Variants in CERCAM observed in about 807,000 individuals in gnomAD.
The protein encoded by CERCAM is cerebral endothelial cell adhesion molecule.
CERCAM carries 59 observed loss-of-function variants against 66.0 expected under a neutral mutation model. The ratio of observed to expected loss-of-function variants is 0.89; its 90% CI spans 0.73 to 1.11. The LOEUF (loss-of-function observed/expected upper bound fraction) is 1.11, where lower values mean the gene tolerates loss of function less well. Ranked by LOEUF, CERCAM falls within the 50% of genes most tolerant of loss-of-function variation. The pLI is 0.00. For synonymous variants in CERCAM, 318 were observed against 343.6 expected (o/e 0.93, Z 0.83); for missense variants, 840 against 828.3 (o/e 1.01, Z -0.17).
intron 11 of CERCAM, 142 bp from the exon 12 acceptor site, chr9:128,435,511 C>T (rs1199510450): frequency 3.4e-5 from 27 of 796,392 alleles, no homozygotes; most frequent in Non-Finnish European, 5.0e-5. Flanking sequence ...TAGTAGAAGT[C>T]CCACTGCTCA....
At chr9:128,430,911 A>G in intron 8 of CERCAM, 1 of 349,444 alleles carries the variant, frequency 2.9e-6, no homozygotes, top group Non-Finnish European at 5.2e-6. Flanking sequence ...TGTGAGGCTG[A>G]GGCAGGAAAA....
rs1002163981 is a variant in CERCAM at position 128,434,293 on chromosome 9, G to A, written c.1331+64G>A. 3.7e-6 allele frequency: 6 copies of A among 1,606,370 alleles called. No individual in the cohort carries two copies. Among genetic ancestry groups the A allele is most frequent in the Non-Finnish European group, 5.1e-6 (6 of 1,175,298 alleles). On this transcript the variant is annotated intron_variant, in intron 10 of 12. Transcript: ENST00000372838. This position sits in a 1 kb window ranked among gnomAD's most constrained non-coding sequence, Gnocchi z 4.5. ...GGGCCTCCGGAGTCTGCCTTTTCCT[G>A]CTTGGGACCCTGGCCGGCCCATCCC...
At position 128,434,279 on chromosome 9, in the gene CERCAM, G is replaced by A. The variant is rs754280026; in HGVS notation, c.1331+50G>A. ...CAAGGGGGCAGGGTGGGCCTCCGGA[G>A]TCTGCCTTTTCCTGCTTGGGACCCT... On this transcript the variant is annotated intron_variant, in intron 10 of 12. Transcript: ENST00000372838. This position sits in a 1 kb window ranked among gnomAD's most constrained non-coding sequence, Gnocchi z 4.5. 11 of 1,610,166 alleles carry A rather than the reference G, an allele frequency of 6.8e-6. No homozygotes were observed. The South Asian group carries it at 1.1e-4, about 16-fold the overall frequency.
chr9:128,420,827 TC>T, upstream of CERCAM: 1 of 964,108 alleles, frequency 1.0e-6, no homozygotes, highest in Non-Finnish European at 1.3e-6. The surrounding 1 kb of genome is among the most constrained non-coding windows in gnomAD (Gnocchi z 5.0). Context: ...CCCCCTCCCC[TC>T]GGCCGGCCCG....
intron 11 of CERCAM, among the ~76,000 whole-genome samples, chr9:128,435,027 G>A (rs1834075840): frequency 6.8e-6 from 1 of 146,622 alleles, no homozygotes; most frequent in African/African-American, 2.6e-5. Flanking sequence ...ATGGAGTTTT[G>A]CACTGTCACC....
At chr9:128,431,443 A>G in intron 9 of CERCAM, 140 bp downstream of exon 9, 1 of 1,096,248 alleles carries the variant, frequency 9.1e-7, no homozygotes. Context: ...CTCTGTGTTC[A>G]ACACCCCAGT....
rs767078078 is a variant in CERCAM, at chr9:128,434,549, C to G, written c.1471C>G (p.Gln491Glu). The G allele has an allele frequency of 1.2e-6, 2 of 1,612,098 alleles. No individual in the cohort carries two copies. Among genetic ancestry groups the G allele is most frequent in the Non-Finnish European group, 1.7e-6 (2 of 1,179,974 alleles). The change falls in exon 11 of 13, where the codon CAG becomes GAG. Residue 491 changes from glutamine (Q) to glutamate (E), a missense_variant. By Grantham distance (29) the Gln-to-Glu change is conservative. Transcript: ENST00000372838. This position sits in a 1 kb window ranked among gnomAD's most constrained non-coding sequence, Gnocchi z 4.5. Reference sequence around the variant, plus strand: ...GGGTGCCCGCAAGCTGCTGGCCTCACAGCCTCTGCGCCGCATGCTGCCCGT... The same window carrying G: ...GGGTGCCCGCAAGCTGCTGGCCTCAGAGCCTCTGCGCCGCATGCTGCCCGT... Reference protein sequence around the residue: ...LAGARKLLASQPLRRMLPVDE... With the variant: ...LAGARKLLASEPLRRMLPVDE...
At chr9:128,426,421 G>A (rs1833848106) in intron 5 of CERCAM, among the ~76,000 whole-genome samples, 1 of 151,920 alleles carries the variant, frequency 6.6e-6, no homozygotes, top group Admixed American at 6.6e-5. Flanking sequence ...TCAAGAGATT[G>A]AGACCATCTT....
chr9:128,428,226 C>G (rs1185697601), intron 5 of CERCAM, 76 bp from the exon 6 acceptor site: 15 of 1,537,566 alleles, frequency 9.8e-6, no homozygotes, highest in Non-Finnish European at 1.3e-5. Flanking sequence ...ACTGGCAGTG[C>G]TGGGCCTAGG....
intron 1 of CERCAM, chr9:128,421,793 C>G (rs1833715124): frequency 6.6e-6 from 1 of 152,500 alleles, no homozygotes; most frequent in African/African-American, 2.4e-5. Context: ...ACAAGCCACC[C>G]TCTTCAACAC....
At position 128,424,254 on chromosome 9, in the gene CERCAM, G is replaced by A. The variant is rs1010532309; in HGVS notation, c.543G>A (p.Trp181Ter). The A allele has an allele frequency of 1.9e-6, 3 of 1,614,028 alleles. No individual in the cohort carries two copies. The highest frequency in any genetic ancestry group is 2.5e-6 in the Non-Finnish European group (3 of 1,180,034). The change falls in exon 4 of 13, where the codon TGG becomes TGA. Residue 181 changes from tryptophan to a stop codon, truncating the protein, a stop_gained. Coordinates refer to ENST00000372838, the MANE Select transcript of CERCAM (RefSeq NM_016174.5). LOFTEE classifies it high-confidence loss of function. ...CCCAGACCTACTACTCCAACTTCTG[G>A]TGTGGGATCACCCCCCAGGTGAGGC... ...LDSQTYYSNF[W>*]CGITPQGYYR...
intron 9 of CERCAM, among the ~76,000 whole-genome samples, chr9:128,433,793 T>G (rs974278786): frequency 6.6e-6 from 1 of 152,164 alleles, no homozygotes; most frequent in Non-Finnish European, 1.5e-5. Flanking sequence ...TTCCTGCGAT[T>G]GAGGATCATC....
At chr9:128,436,759 CCT>C (rs369061762) in intron 12 of CERCAM, 88 bp from the exon 13 acceptor site, 25 of 152,478 alleles carry the variant, frequency 1.6e-4, no homozygotes, top group African/African-American at 5.5e-4. Flanking sequence ...TGTCTCTGCC[CCT>C]GTTTTCCTAT....
At position 128,420,883 on chromosome 9, in the gene CERCAM, C is replaced by A; in HGVS notation, c.6C>A (p.Arg2=). The change falls in exon 1 of 13, where the codon CGC becomes CGA. Residue 2 remains arginine (R), a synonymous_variant. Coordinates refer to ENST00000372838, the MANE Select transcript of CERCAM (RefSeq NM_016174.5). This position sits in a 1 kb window ranked among gnomAD's most constrained non-coding sequence, Gnocchi z 5.0. Reference sequence around the variant, plus strand: ...CAGCCGCCCAAGCGCCCGCCATGCGCGCTGCCCGCGCCGCGCCGCTGCTCC... The same window carrying A: ...CAGCCGCCCAAGCGCCCGCCATGCGAGCTGCCCGCGCCGCGCCGCTGCTCC... M[R]AARAAPLLQL... 2 of 1,293,384 alleles carry A rather than the reference C, an allele frequency of 1.5e-6. No homozygotes were observed. Among genetic ancestry groups the A allele is most frequent in the African/African-American group, 1.5e-5 (1 of 64,716 alleles). The allele number at this position is 1,293,384 out of a possible 1,614,324, so 80.1% of individuals were successfully genotyped here.
At chr9:128,421,313 C>T (rs1833704693) in intron 1 of CERCAM, 2 of 1,222,352 alleles carry the variant, frequency 1.6e-6, no homozygotes, top group African/African-American at 1.6e-5. Flanking sequence ...CCTTCTGGTC[C>T]CCTACTCCTT....
At position 128,427,010 on chromosome 9, in the gene CERCAM, C is replaced by T. The variant is rs533763643; in HGVS notation, c.767-1292C>T. ...CAAGCGACAGCCGTTGTTAATTGGT[C>T]AATGGTTTGAAGGAATTCAGTCTCT... On this transcript the variant is annotated intron_variant, in intron 5 of 12. Coordinates refer to ENST00000372838, the MANE Select transcript of CERCAM (RefSeq NM_016174.5). 7.2e-5 allele frequency among the ~76,000 whole-genome samples: 11 copies of T among 152,286 alleles called. No individual in the cohort carries two copies. In the East Asian group the frequency reaches 1.9e-3, roughly 27 times the overall value.
At chr9:128,430,727 C>T (rs953360043) in intron 8 of CERCAM, 27 of 159,792 alleles carry the variant, frequency 1.7e-4, no homozygotes, top group South Asian at 7.3e-4. Flanking sequence ...CTCAGAACTC[C>T]CGAGGTGGCT....
At chr9:128,425,214 G>A (rs1035622495) in intron 5 of CERCAM, among the ~76,000 whole-genome samples, 5 of 151,390 alleles carry the variant, frequency 3.3e-5, no homozygotes, top group South Asian at 4.2e-4. Context: ...CCACCACCAC[G>A]CCCGGCTAAT....
At chr9:128,423,548 T>G (rs1366677773) in intron 3 of CERCAM, among the ~76,000 whole-genome samples, 1 of 146,834 alleles carries the variant, frequency 6.8e-6, no homozygotes, top group East Asian at 2.0e-4. Flanking sequence ...ACCTGGGAGG[T>G]AGAGGTTGCA....
Sources: gnomAD v4.1 joint callset for allele counts (sites outside exome capture counted in the v4.1 genomes callset) on GRCh38, gnomAD v4.1.1 for gene constraint, Gnocchi (gnomAD v3.1) non-coding constraint, MANE v1.5 for transcripts, NCBI Gene and HGNC (gene_info 2026-07-23, HGNC 2026-07-21) for gene names.